SYNPR: variants seen among roughly 807,000 people sequenced by gnomAD.
SYNPR encodes the protein synaptoporin.
Under a neutral mutation model 32.9 loss-of-function variants are expected in SYNPR, and 23 were observed. The ratio of observed to expected loss-of-function variants is 0.70; its 90% CI spans 0.50 to 0.99. The LOEUF is 0.99. Ranked by LOEUF, SYNPR falls within the 50% of genes least tolerant of loss-of-function variation. The pLI, the probability that SYNPR is intolerant of heterozygous loss-of-function variation, is 0.00. For missense variants in SYNPR, 318 were observed against 349.3 expected (o/e 0.91, Z 0.71); for synonymous variants, 146 against 135.9 (o/e 1.07, Z -0.52).
At chr3:63,330,451 C>CT (rs35955925) in intron 2 of SYNPR, among the ~76,000 whole-genome samples, 65,574 of 151,162 alleles carry the variant, frequency 0.43, 14,401 homozygotes, top group Middle Eastern at 0.51. Flanking sequence ...TGTCTCCCCT[C>CT]TTTTTTTTAT....
intron 5 of SYNPR, 145 bp downstream of exon 5, chr3:63,609,461 G>C (rs1216793581): frequency 1.6e-6 from 1 of 627,086 alleles, no homozygotes; most frequent in African/African-American, 1.9e-5. Flanking sequence ...CTCAGGTACA[G>C]GATGATCACT....
chr3:63,360,977 T>C (rs1360845251), intron 2 of SYNPR, among the ~76,000 whole-genome samples: 1 of 152,222 alleles, frequency 6.6e-6, no homozygotes, highest in Non-Finnish European at 1.5e-5. Context: ...GGTACATTGC[T>C]GAAATACCAG....
At chr3:63,405,654 C>A (rs994520258) in intron 2 of SYNPR, among the ~76,000 whole-genome samples, 1 of 152,184 alleles carries the variant, frequency 6.6e-6, no homozygotes, top group South Asian at 2.1e-4. Flanking sequence ...TAAAACAGAC[C>A]CTTCAGGCTG....
chr3:63,320,642 G>C (rs1447702909), intron 2 of SYNPR, among the ~76,000 whole-genome samples: 3 of 152,068 alleles, frequency 2.0e-5, no homozygotes, highest in African/African-American at 7.2e-5. Flanking sequence ...AATATTTAAT[G>C]AATGATTGTG....
chr3:63,520,808 C>T (rs1295949559), intron 3 of SYNPR, among the ~76,000 whole-genome samples: 2 of 152,154 alleles, frequency 1.3e-5, no homozygotes, highest in Admixed American at 6.5e-5. Context: ...CATGATTTGG[C>T]CCTGTCTACC....
rs569262515 is a variant in SYNPR, at chr3:63,608,865, G to C, written c.409-260G>C. On this transcript the variant is annotated intron_variant, in intron 4 of 5. Coordinates refer to ENST00000478300, the MANE Select transcript of SYNPR (RefSeq NM_001130003.2). Reference sequence around the variant, plus strand: ...GATGTTGTAGGAACAATTAGGTGTGGGTTATAAAGTCCTTAGCATCATTCC... The same window carrying C: ...GATGTTGTAGGAACAATTAGGTGTGCGTTATAAAGTCCTTAGCATCATTCC... 5.5e-4 allele frequency among the ~76,000 whole-genome samples: 83 copies of C among 152,038 alleles called. 1 individual carries two copies. The highest frequency in any genetic ancestry group is 1.9e-3 in the African/African-American group (78 of 41,470).
At chr3:63,365,063 A>C (rs768084960) in intron 2 of SYNPR, among the ~76,000 whole-genome samples, 41 of 152,226 alleles carry the variant, frequency 2.7e-4, no homozygotes, top group Non-Finnish European at 4.1e-4. Context: ...GTGATCACTT[A>C]TGATCAGTAA....
intron 2 of SYNPR, among the ~76,000 whole-genome samples, chr3:63,325,955 T>C (rs1417000168): frequency 6.6e-6 from 1 of 152,060 alleles, no homozygotes; most frequent in Non-Finnish European, 1.5e-5. Context: ...TCCACATCCC[T>C]GCATGTCCAA....
intron 2 of SYNPR, among the ~76,000 whole-genome samples, chr3:63,412,894 G>T (rs566992615): frequency 6.6e-6 from 1 of 152,280 alleles, no homozygotes; most frequent in South Asian, 2.1e-4. Context: ...AGATAACTCT[G>T]CTGGAGTCGT....
intron 2 of SYNPR, among the ~76,000 whole-genome samples, chr3:63,300,884 C>T (rs1184873377): frequency 6.6e-6 from 1 of 152,038 alleles, no homozygotes; most frequent in African/African-American, 2.4e-5. Flanking sequence ...GAATCTGTCT[C>T]AGGATTTGCT....
intron 2 of SYNPR, among the ~76,000 whole-genome samples, chr3:63,373,124 T>C (rs369974456): frequency 1.4e-4 from 21 of 152,092 alleles, no homozygotes; most frequent in African/African-American, 4.8e-4. Flanking sequence ...CCACCATAGA[T>C]GAGAAAGAAT....
intron 2 of SYNPR, among the ~76,000 whole-genome samples, chr3:63,429,676 G>GT (rs1165152929): frequency 1.3e-5 from 2 of 152,212 alleles, no homozygotes; most frequent in Non-Finnish European, 2.9e-5. Context: ...CATTTTAACA[G>GT]TTTTTTGACA....
At position 63,231,527 on chromosome 3, in the gene SYNPR, C is replaced by T. The variant is rs1185362683; in HGVS notation, n.66+3147C>T. Among the ~76,000 whole-genome samples the T allele has an allele frequency of 3.3e-5, 5 of 152,268 alleles. No homozygotes were observed. In the East Asian group the frequency reaches 7.7e-4, roughly 24 times the overall value. On this transcript the variant is annotated intron_variant and non_coding_transcript_variant, in intron 1 of 4. Coordinates refer to the SYNPR transcript ENST00000478456. ...TTCAACTACTGCTTAGTGACTGCCC[C>T]TTATTCCCCAATTAAATTCTTAAGT...
At chr3:63,400,478 T>G (rs748355105) in intron 2 of SYNPR, among the ~76,000 whole-genome samples, 1 of 152,244 alleles carries the variant, frequency 6.6e-6, no homozygotes, top group Admixed American at 6.5e-5. Context: ...GCAGAATGCC[T>G]TATTTCACTG....
intron 2 of SYNPR, among the ~76,000 whole-genome samples, chr3:63,320,137 G>C (rs1350894101): frequency 6.6e-6 from 1 of 151,914 alleles, no homozygotes; most frequent in East Asian, 1.9e-4. Context: ...TTTTAGTAAA[G>C]ACAGGGTTTC....
intron 2 of SYNPR, among the ~76,000 whole-genome samples, chr3:63,332,812 T>C (rs1013417144): frequency 6.6e-6 from 1 of 152,200 alleles, no homozygotes; most frequent in Non-Finnish European, 1.5e-5. Context: ...AGGTTCTTTT[T>C]AGTCTATATT....
intron 3 of SYNPR, among the ~76,000 whole-genome samples, chr3:63,481,173 C>T (rs896299080): frequency 2.9e-5 from 4 of 139,152 alleles, no homozygotes; most frequent in Admixed American, 7.2e-5. Flanking sequence ...ACTGACTCTC[C>T]TCAAAAAAAA....
intron 4 of SYNPR, among the ~76,000 whole-genome samples, chr3:63,605,588 C>A (rs1005308985): frequency 2.0e-5 from 3 of 152,206 alleles, no homozygotes; most frequent in African/African-American, 7.2e-5. Context: ...AGGCAAAAAT[C>A]TGCCCACAAG....
At chr3:63,502,168 T>G (rs1701493675) in intron 3 of SYNPR, among the ~76,000 whole-genome samples, 1 of 152,180 alleles carries the variant, frequency 6.6e-6, no homozygotes, top group South Asian at 2.1e-4. Flanking sequence ...ATTGCACATA[T>G]AGTTCCCATT....
Sources: gnomAD v4.1 joint callset for allele counts (sites outside exome capture counted in the v4.1 genomes callset) on GRCh38, gnomAD v4.1.1 for gene constraint, MANE v1.5 for transcripts, NCBI Gene and HGNC (gene_info 2026-07-23, HGNC 2026-07-21) for gene names.